ACVR2A: variants seen among roughly 807,000 people sequenced by gnomAD.
ACVR2A encodes the protein activin receptor type-2A.
In ACVR2A, 7 loss-of-function variants were observed where a neutral mutation model predicts 61.4. The observed-to-expected ratio is 0.11, with a 90% CI of 0.06 to 0.21. The LOEUF is 0.21. Ranked by LOEUF, ACVR2A falls within the 10% of genes least tolerant of loss-of-function variation. ACVR2A has a pLI of 1.00. For missense variants in ACVR2A, 322 were observed against 621.7 expected (o/e 0.52, Z 5.13); for synonymous variants, 193 against 208.3 (o/e 0.93, Z 0.63).
chr2:147,895,838 C>A (rs966121503), intron 1 of ACVR2A, among the ~76,000 whole-genome samples: 6 of 152,052 alleles, frequency 3.9e-5, no homozygotes, highest in Non-Finnish European at 7.4e-5. Context: ...TAACAGTAGT[C>A]TATTGGGAAA....
chr2:147,885,509 G>A (rs1330094204), intron 1 of ACVR2A, among the ~76,000 whole-genome samples: 1 of 152,116 alleles, frequency 6.6e-6, no homozygotes, highest in Admixed American at 6.5e-5. Context: ...TTTTAAAAGA[G>A]ATATGTAAGC....
rs904082068 is a variant in ACVR2A, at chr2:147,928,245, C to G, written c.*971C>G. ...AAATTTTTTAAAGTGAGCTGTGACA[C>G]TGGAAAGCTCTTCATTTTATCTTTT... On this transcript the variant is annotated 3_prime_UTR_variant, in exon 11 of 11. Coordinates refer to ENST00000241416, the MANE Select transcript of ACVR2A (RefSeq NM_001616.5). The G allele has an allele frequency of 1.3e-5, 2 of 152,318 alleles. No homozygotes were observed. The allele number at this position is 152,318 out of a possible 1,614,324, so 9.4% of individuals were successfully genotyped here.
chr2:147,845,186 T>G lies in ACVR2A; in HGVS notation c.34T>G (p.Phe12Val), dbSNP rs1389950555. 6.2e-7 allele frequency: 1 copy of G among 1,613,204 alleles called. No individual in the cohort carries two copies. The highest frequency in any genetic ancestry group is 1.7e-5 in the Admixed American group (1 of 59,980). ...GAAAKLAFAVFLISCSSGAIL... is the reference protein window; with the variant it reads ...GAAAKLAFAVVLISCSSGAIL... ...TGCTGCAAAGTTGGCGTTTGCCGTC[T>G]TTCTTATCTCCTGTTCTTCAGGTAG... The change falls in exon 1 of 11, where the codon TTT (phenylalanine) becomes GTT (valine). Residue 12 changes from phenylalanine (F) to valine (V), a missense_variant. Phe to Val is a conservative substitution (Grantham distance 50, BLOSUM62 -1). Coordinates refer to ENST00000241416, the MANE Select transcript of ACVR2A (RefSeq NM_001616.5).
chr2:147,858,029 AT>A (rs1455019189), intron 1 of ACVR2A, among the ~76,000 whole-genome samples: 3 of 151,932 alleles, frequency 2.0e-5, no homozygotes. Flanking sequence ...TCTTCCCATC[AT>A]TTAGCTTTCA....
intron 1 of ACVR2A, among the ~76,000 whole-genome samples, chr2:147,884,491 G>A (rs1210942998): frequency 6.6e-6 from 1 of 152,140 alleles, no homozygotes; most frequent in Non-Finnish European, 1.5e-5. Context: ...GCAATATACA[G>A]TGTATCTTTC....
intron 4 of ACVR2A, among the ~76,000 whole-genome samples, chr2:147,901,115 TAA>T (rs1686863591): frequency 1.3e-5 from 2 of 152,184 alleles, no homozygotes; most frequent in Non-Finnish European, 2.9e-5. Context: ...GAATCATTTC[TAA>T]AAAGTGTTTT....
intron 8 of ACVR2A, among the ~76,000 whole-genome samples, chr2:147,920,558 C>T (rs183485264): frequency 1.4e-4 from 21 of 152,242 alleles, no homozygotes; most frequent in Non-Finnish European, 2.9e-5. Context: ...CTTAGACACA[C>T]GTCATAGGAT....
chr2:147,896,584 C>T (rs1236362178), intron 2 of ACVR2A, 76 bp downstream of exon 2: 4 of 1,392,070 alleles, frequency 2.9e-6, no homozygotes, highest in Non-Finnish European at 4.0e-6. Flanking sequence ...GGGGAAAGAT[C>T]AGTGCATAAA....
chr2:147,899,612 G>A, intron 3 of ACVR2A, 45 bp downstream of exon 3: 3 of 1,587,994 alleles, frequency 1.9e-6, no homozygotes, highest in Non-Finnish European at 2.6e-6. Flanking sequence ...ACTGTAGATT[G>A]GAAACAAAAT....
rs1345160428 is a variant in ACVR2A at position 147,930,588 on chromosome 2, CCT to C, written c.*3318_*3319del. 2 of 152,334 alleles carry C rather than the reference CCT, an allele frequency of 1.3e-5. No homozygotes were observed. The highest frequency in any genetic ancestry group is 4.8e-5 in the African/African-American group (2 of 41,368). 9.4% of individuals were successfully genotyped at this position (152,334 alleles called of 1,614,324 possible). A position where few individuals can be genotyped will look rare whatever the true frequency, so the allele number is the denominator to read the frequency against. ...GTCTCAACCCATATCCCATTTGTTA[CCT>C]CTCAGAATATTGGTAAGCAGTTATT... On this transcript the variant is annotated 3_prime_UTR_variant, in exon 11 of 11. Coordinates refer to ENST00000241416, the MANE Select transcript of ACVR2A (RefSeq NM_001616.5).
chr2:147,872,563 C>T (rs80124591), intron 1 of ACVR2A, among the ~76,000 whole-genome samples: 5,277 of 149,820 alleles, frequency 0.035, 117 homozygotes, highest in Middle Eastern at 0.089. Flanking sequence ...CTTCCTTTGA[C>T]ATACAGGCTA....
intron 1 of ACVR2A, among the ~76,000 whole-genome samples, chr2:147,850,581 G>C (rs994512907): frequency 2.0e-5 from 3 of 152,058 alleles, no homozygotes; most frequent in Non-Finnish European, 4.4e-5. Flanking sequence ...CTGCTGATAG[G>C]ACCACATTAG....
chr2:147,874,480 A>G (rs1432682698), intron 1 of ACVR2A, among the ~76,000 whole-genome samples: 3 of 151,974 alleles, frequency 2.0e-5, no homozygotes, highest in African/African-American at 4.8e-5. Context: ...AGCAGTTTTC[A>G]GAGTTCAGCT....
intron 1 of ACVR2A, among the ~76,000 whole-genome samples, chr2:147,882,332 C>G (rs1368888913): frequency 1.3e-5 from 2 of 152,236 alleles, no homozygotes; most frequent in Admixed American, 1.3e-4. Context: ...GGGCGGATCA[C>G]TTGAGGTCAG....
intron 1 of ACVR2A, among the ~76,000 whole-genome samples, chr2:147,882,854 T>C (rs1401292239): frequency 6.6e-6 from 1 of 152,128 alleles, no homozygotes; most frequent in Non-Finnish European, 1.5e-5. Context: ...ACAATGTTTG[T>C]GTTTTCCTTT....
intron 1 of ACVR2A, among the ~76,000 whole-genome samples, chr2:147,862,750 A>G (rs1685759432): frequency 6.6e-6 from 1 of 151,980 alleles, no homozygotes; most frequent in Non-Finnish European, 1.5e-5. Flanking sequence ...TCTCAAAAAA[A>G]AAAAAATTGT....
chr2:147,871,040 C>T (rs192957878), intron 1 of ACVR2A, among the ~76,000 whole-genome samples: 16 of 151,764 alleles, frequency 1.1e-4, no homozygotes, highest in Admixed American at 1.1e-3. Context: ...TTGCAGATTC[C>T]CCAAGGGCAG....
chr2:147,885,710 C>A (rs1686413575), intron 1 of ACVR2A, among the ~76,000 whole-genome samples: 1 of 152,118 alleles, frequency 6.6e-6, no homozygotes, highest in African/African-American at 2.4e-5. Context: ...ACTTACAGGT[C>A]ACTCAAAAAG....
At chr2:147,922,477 T>A (rs1687405929) in intron 8 of ACVR2A, among the ~76,000 whole-genome samples, 1 of 152,108 alleles carries the variant, frequency 6.6e-6, no homozygotes, top group Non-Finnish European at 1.5e-5. Context: ...TACCAAATTG[T>A]TGGGGACAGT....
Sources: gnomAD v4.1 joint callset for allele counts (sites outside exome capture counted in the v4.1 genomes callset) on GRCh38, gnomAD v4.1.1 for gene constraint, MANE v1.5 for transcripts, NCBI Gene and HGNC (gene_info 2026-07-23, HGNC 2026-07-21) for gene names.